TMEM202: variants seen among roughly 807,000 people sequenced by gnomAD.
TMEM202 encodes the protein transmembrane protein 202.
In TMEM202, 25 loss-of-function variants were observed where a neutral mutation model predicts 26.1. That is an observed-to-expected ratio of 0.96 (90% confidence interval 0.70 to 1.34). The LOEUF (loss-of-function observed/expected upper bound fraction) is 1.34. Among genes scored for constraint, TMEM202 ranks in the 40% most tolerant of loss-of-function variants. TMEM202 has a pLI of 0.00. For synonymous variants in TMEM202, 122 were observed against 119.0 expected (o/e 1.02, Z -0.16); for missense variants, 301 against 327.7 (o/e 0.92, Z 0.63).
At chr15:72,399,797 G>A (rs1309080634) in intron 2 of TMEM202, among the ~76,000 whole-genome samples, 1 of 152,162 alleles carries the variant, frequency 6.6e-6, no homozygotes, top group East Asian at 1.9e-4. Flanking sequence ...AAAACTTAGA[G>A]GAAAGATATC....
chr15:72,405,234 G>A (rs922867158), intron 2 of TMEM202, among the ~76,000 whole-genome samples: 1 of 152,160 alleles, frequency 6.6e-6, no homozygotes, highest in Non-Finnish European at 1.5e-5. Flanking sequence ...CTAACCACTG[G>A]GGTGGGGGTG....
At chr15:72,402,696 G>T (rs952274333) in intron 2 of TMEM202, among the ~76,000 whole-genome samples, 3 of 152,166 alleles carry the variant, frequency 2.0e-5, no homozygotes. Flanking sequence ...CTGTTTTGCA[G>T]AGCGTGGGAA....
chr15:72,405,478 A>G (rs1338969613), intron 2 of TMEM202, among the ~76,000 whole-genome samples: 4 of 152,194 alleles, frequency 2.6e-5, no homozygotes, highest in African/African-American at 7.2e-5. Context: ...CTGCTCTCTT[A>G]CCAACATCCA....
rs1009659764 is a variant in TMEM202 at position 72,398,844 on chromosome 15, C to G, written c.273C>G (p.Leu91=). 6.2e-7 allele frequency: 1 copy of G among 1,614,030 alleles called. No homozygotes were observed. The highest frequency in any genetic ancestry group is 8.5e-7 in the Non-Finnish European group (1 of 1,180,040). The change falls in exon 2 of 5, where the codon CTC becomes CTG. Residue 91 remains leucine (L), a synonymous_variant. Transcript: ENST00000341689. ...TGGTGATCAAGAATGGCCTTGAGCT[C>G]TACGCAGGACTCTGGACCTTATGCA... is the stretch of plus-strand genomic sequence containing the variant. ...QFLVIKNGLE[L]YAGLWTLCNH...
chr15:72,400,221 T>A (rs1312197067), intron 2 of TMEM202, among the ~76,000 whole-genome samples: 1 of 152,134 alleles, frequency 6.6e-6, no homozygotes, highest in East Asian at 1.9e-4. Flanking sequence ...TGAACAGACA[T>A]GCACAAAAGA....
At chr15:72,402,860 T>C (rs910458030) in intron 2 of TMEM202, among the ~76,000 whole-genome samples, 2 of 152,154 alleles carry the variant, frequency 1.3e-5, no homozygotes, top group African/African-American at 4.8e-5. Flanking sequence ...GCAGATTTCA[T>C]AGATACCTCT....
intron 2 of TMEM202, among the ~76,000 whole-genome samples, chr15:72,401,586 A>C (rs1324801778): frequency 6.6e-6 from 1 of 152,160 alleles, no homozygotes; most frequent in Non-Finnish European, 1.5e-5. Flanking sequence ...AAATTATGTC[A>C]CTTAAAGCAG....
rs1329208836 is a variant in TMEM202, at chr15:72,407,853, TG to T, written c.783del (p.Arg262GlufsTer17). On this transcript the variant is annotated frameshift_variant, in exon 5 of 5. Transcript: ENST00000341689. LOFTEE classifies it low-confidence loss of function (END_TRUNC). ...GPRSEMESLS[V>X]REKNLPKSGL... ...AGGTCTGAGATGGAATCTCTAAGTG[TG>T]AGAGAGAAAAATTTACCAAAGTCAG... The T allele has an allele frequency of 1.2e-6, 2 of 1,613,964 alleles. No individual in the cohort carries two copies. Among genetic ancestry groups the T allele is most frequent in the Admixed American group, 3.3e-5 (2 of 60,000 alleles).
At chr15:72,406,349 T>G (rs1054950231) in intron 2 of TMEM202, among the ~76,000 whole-genome samples, 17 of 152,208 alleles carry the variant, frequency 1.1e-4, no homozygotes. Context: ...GAAAAAGGTT[T>G]AATCTGTTTT....
chr15:72,407,685 C>T lies in TMEM202; in HGVS notation c.620-6C>T, dbSNP rs1275308858. On this transcript the variant is annotated splice_polypyrimidine_tract_variant and splice_region_variant and intron_variant, in intron 4 of 4. Transcript: ENST00000341689. ...AACCTCACCTCAAATTATTCCCTTC[C>T]CGTAGGGATCATCTCTCTTCTCAAC... 1 of 1,613,422 alleles carries T rather than the reference C, an allele frequency of 6.2e-7. No homozygotes were observed. The highest frequency in any genetic ancestry group is 2.2e-5 in the East Asian group (1 of 44,902).
intron 2 of TMEM202, among the ~76,000 whole-genome samples, chr15:72,400,695 G>A (rs1325913592): frequency 1.3e-5 from 2 of 152,224 alleles, no homozygotes; most frequent in Non-Finnish European, 2.9e-5. Context: ...CAGACCCCAG[G>A]AGAGGGTTCT....
At chr15:72,398,608 AG>A in intron 1 of TMEM202, 44 bp from the exon 2 acceptor site, 1 of 1,605,678 alleles carries the variant, frequency 6.2e-7, no homozygotes, top group East Asian at 2.2e-5. Flanking sequence ...CCTGGGGATC[AG>A]GGGTTATTCT....
intron 4 of TMEM202, 58 bp from the exon 5 acceptor site, chr15:72,407,633 T>A: frequency 6.5e-7 from 1 of 1,535,282 alleles, no homozygotes. Context: ...ATAAGAATTT[T>A]AAAAGCCAAA....
Position 72,398,652 on chromosome 15 carries a change from G to C in TMEM202, c.82-1G>C. On this transcript the variant is annotated splice_acceptor_variant, in intron 1 of 4. Transcript: ENST00000341689. LOFTEE classifies it high-confidence loss of function. ...AGGCAATATTTCCCTCATCCTTGTA[G>C]CCTACCGTCCCTGCCAAGAAACATC... The C allele has an allele frequency of 6.2e-7, 1 of 1,613,924 alleles. No individual in the cohort carries two copies. Among genetic ancestry groups the C allele is most frequent in the Non-Finnish European group, 8.5e-7 (1 of 1,179,892 alleles).
chr15:72,401,266 G>A lies in TMEM202; in HGVS notation c.337+2358G>A, dbSNP rs2063546325. Among the ~76,000 whole-genome samples the A allele has an allele frequency of 2.0e-5, 3 of 152,164 alleles. No individual in the cohort carries two copies. In the South Asian group the frequency reaches 6.2e-4, roughly 32 times the overall value. ...TTAACCAGCCCCTATTCAAGATGGA[G>A]TTGTTCTGGTTCAAACACCTCTGAT... is the stretch of plus-strand genomic sequence containing the variant. On this transcript the variant is annotated intron_variant, in intron 2 of 4. Transcript: ENST00000341689.
rs552064568 is a variant in TMEM202 at position 72,407,687 on chromosome 15, G to C, written c.620-4G>C. ...CCTCACCTCAAATTATTCCCTTCCCGTAGGGATCATCTCTCTTCTCAACTA... is the reference window on the plus strand; with the variant it reads ...CCTCACCTCAAATTATTCCCTTCCCCTAGGGATCATCTCTCTTCTCAACTA... On this transcript the variant is annotated splice_polypyrimidine_tract_variant and splice_region_variant and intron_variant, in intron 4 of 4. Coordinates refer to ENST00000341689, the MANE Select transcript of TMEM202 (RefSeq NM_001080462.3). The C allele has an allele frequency of 1.2e-6, 2 of 1,613,632 alleles. No homozygotes were observed. Among genetic ancestry groups the C allele is most frequent in the Non-Finnish European group, 1.7e-6 (2 of 1,179,598 alleles).
At chr15:72,404,934 A>T (rs1225486321) in intron 2 of TMEM202, among the ~76,000 whole-genome samples, 1 of 152,180 alleles carries the variant, frequency 6.6e-6, no homozygotes, top group Non-Finnish European at 1.5e-5. Flanking sequence ...ATATACTGCT[A>T]ATTCTGCATA....
At chr15:72,406,993 A>G (rs990840137) in intron 3 of TMEM202, 93 bp from the exon 4 acceptor site, 8 of 1,514,262 alleles carry the variant, frequency 5.3e-6, no homozygotes, top group African/African-American at 2.8e-5. Context: ...TCCTCGCTAT[A>G]CATATGGCCT....
chr15:72,406,394 T>C (rs896911240), intron 2 of TMEM202, among the ~76,000 whole-genome samples: 1 of 152,180 alleles, frequency 6.6e-6, no homozygotes, highest in Non-Finnish European at 1.5e-5. Context: ...CTAGTTTATA[T>C]CTAAATCAAT....
Sources: gnomAD v4.1 joint callset for allele counts (sites outside exome capture counted in the v4.1 genomes callset) on GRCh38, gnomAD v4.1.1 for gene constraint, MANE v1.5 for transcripts, NCBI Gene and HGNC (gene_info 2026-07-23, HGNC 2026-07-21) for gene names.